EIF4G1: variants seen among roughly 807,000 people sequenced by gnomAD.
EIF4G1 encodes EIF4-gamma.
A neutral mutation model predicts 187.8 loss-of-function variants in EIF4G1; 4 were observed. That is an observed-to-expected ratio of 0.02 (90% confidence interval 0.01 to 0.05). The LOEUF is 0.05. EIF4G1 is among the 10% of genes least tolerant of loss of function. The pLI, the probability that EIF4G1 is intolerant of heterozygous loss-of-function variation, is 1.00. For synonymous variants in EIF4G1, 844 were observed against 781.4 expected (o/e 1.08, Z -1.34); for missense variants, 1,647 against 2,081.1 (o/e 0.79, Z 4.06).
chr3:184,328,854 G>T, intron 27 of EIF4G1, 55 bp from the exon 28 acceptor site: 1 of 1,613,868 alleles, frequency 6.2e-7, no homozygotes, highest in Non-Finnish European at 8.5e-7. Flanking sequence ...GGGAGATGGA[G>T]TAGTGGTGAG....
At chr3:184,326,402 TA>T in intron 21 of EIF4G1, 124 bp from the exon 22 acceptor site, 2 of 974,788 alleles carry the variant, frequency 2.1e-6, no homozygotes, top group Middle Eastern at 4.2e-4. Flanking sequence ...ACTGGCCCTT[TA>T]TTAAAAAAGA....
Position 184,334,711 on chromosome 3 carries a change from TC to T in EIF4G1, c.4619-13del. Reference sequence around the variant, plus strand: ...GGTGGCCAGTCACCTCTAACTGCTGTCCCGCCTGCTTGCAGACCTGCTGCGG... The same window carrying T: ...GGTGGCCAGTCACCTCTAACTGCTGTCCGCCTGCTTGCAGACCTGCTGCGG... On this transcript the variant is annotated splice_polypyrimidine_tract_variant and intron_variant, in intron 32 of 32. Transcript: ENST00000346169. This position sits in a 1 kb window ranked among gnomAD's most constrained non-coding sequence, Gnocchi z 5.8. 1 of 1,614,144 alleles carries T rather than the reference TC, an allele frequency of 6.2e-7. No homozygotes were observed. The highest frequency in any genetic ancestry group is 1.3e-5 in the African/African-American group (1 of 75,038).
Position 184,325,183 on chromosome 3 carries a change from G to T in EIF4G1, c.2856+69G>T. On this transcript the variant is annotated intron_variant, in intron 18 of 32. Transcript: ENST00000346169. The surrounding 1 kb of genome is among the most constrained non-coding windows in gnomAD (Gnocchi z 5.2). ...TGGGGCTCACTGAGCCCACAATGAT[G>T]GGGCGGAAGGCCTGAGGAGGGGTGG... 6.2e-7 allele frequency: 1 copy of T among 1,601,116 alleles called. No homozygotes were observed. Among genetic ancestry groups the T allele is most frequent in the Non-Finnish European group, 8.6e-7 (1 of 1,168,300 alleles).
Position 184,322,583 on chromosome 3 carries a change from G to A in EIF4G1, c.1648G>A (p.Ala550Thr). Residue 550 changes from alanine (A) to threonine (T), a missense_variant, in exon 12 of 33, where the codon GCA becomes ACA. Coordinates refer to ENST00000346169, the MANE Select transcript of EIF4G1 (RefSeq NM_198241.3). ...AVPEVENQPP[A>T]GSNPGPESEG... ...ACCAGAGGTGGAAAATCAGCCTCCTGCAGGCAGCAATCCAGGCCCAGAGTC... is the reference window on the plus strand; with the variant it reads ...ACCAGAGGTGGAAAATCAGCCTCCTACAGGCAGCAATCCAGGCCCAGAGTC... 6.2e-7 allele frequency: 1 copy of A among 1,614,192 alleles called. No individual in the cohort carries two copies. The highest frequency in any genetic ancestry group is 8.5e-7 in the Non-Finnish European group (1 of 1,180,038).
At chr3:184,332,980 T>G (rs1726429273) in intron 32 of EIF4G1, among the ~76,000 whole-genome samples, 1 of 152,158 alleles carries the variant, frequency 6.6e-6, no homozygotes, top group Admixed American at 6.5e-5. Flanking sequence ...GATTTTAGTT[T>G]TTAGATCATC....
Position 184,328,647 on chromosome 3 carries a change from G to A in EIF4G1, c.3970G>A (p.Glu1324Lys). The change falls in exon 27 of 33, where the codon GAA (glutamate) becomes AAA (lysine). Residue 1324 changes from glutamate (E) to lysine (K), a missense_variant. Glu to Lys is a moderately conservative substitution (Grantham distance 56). This residue lies in a region of EIF4G1 where 543 missense variants were observed against 638.0 expected (regional missense o/e 0.85). Coordinates refer to ENST00000346169, the MANE Select transcript of EIF4G1 (RefSeq NM_198241.3). ...CCTTGGCAGGTTGTATGAAATCTTG[G>A]AATTGGCTGAGGACATGGAAATTGA... Reference protein sequence around the residue: ...QYYQGLYEILELAEDMEIDIP... With the variant: ...QYYQGLYEILKLAEDMEIDIP... 1.9e-6 allele frequency: 3 copies of A among 1,614,162 alleles called. No homozygotes were observed. Among genetic ancestry groups the A allele is most frequent in the Non-Finnish European group, 2.5e-6 (3 of 1,180,034 alleles).
chr3:184,326,882 A>G lies in EIF4G1; in HGVS notation c.3327A>G (p.Ala1109=), dbSNP rs771325250. Residue 1109 remains alanine (A), a splice_region_variant and synonymous_variant, in exon 23 of 33, where the codon GCA becomes GCG. Transcript: ENST00000346169. The part of the protein sequence containing the change: ...GGSGAKPSDA[A]SEAARPATST... ...AATACGGATTTTCTGCATCCCCAGC[A>G]TCAGAAGCTGCTCGCCCAGCTACTA... 9 of 1,614,246 alleles carry G rather than the reference A, an allele frequency of 5.6e-6. No individual in the cohort carries two copies. Among genetic ancestry groups the G allele is most frequent in the Non-Finnish European group, 7.6e-6 (9 of 1,180,040 alleles).
In EIF4G1 at chr3:184,322,402, G is replaced by A; in HGVS notation, c.1560G>A (p.Glu520=). ...CAAAGAGGAGACGGAAAATTAAGGAGCTAAATAAGAAGGAGGCTGTTGGAG... is the reference window on the plus strand; with the variant it reads ...CAAAGAGGAGACGGAAAATTAAGGAACTAAATAAGAAGGAGGCTGTTGGAG... ...SVPKRRRKIK[E]LNKKEAVGDL... is the part of the protein sequence containing the mutation. Residue 520 remains glutamate (E), a synonymous_variant, in exon 11 of 33, where the codon GAG becomes GAA. Transcript: ENST00000346169. The A allele has an allele frequency of 2.5e-6, 4 of 1,614,146 alleles. No homozygotes were observed. The highest frequency in any genetic ancestry group is 2.5e-6 in the Non-Finnish European group (3 of 1,180,036).
intron 28 of EIF4G1, among the ~76,000 whole-genome samples, chr3:184,330,565 G>C (rs1010455236): frequency 1.4e-4 from 22 of 152,176 alleles, no homozygotes; most frequent in African/African-American, 5.1e-4. Flanking sequence ...CAGACTGCTG[G>C]TTTTATGAGG....
intron 31 of EIF4G1, 41 bp downstream of exon 31, chr3:184,331,850 G>C (rs1164861298): frequency 6.2e-7 from 1 of 1,613,976 alleles, no homozygotes; most frequent in Non-Finnish European, 8.5e-7. Context: ...GGGTGGGCCT[G>C]ACAGACAAGT....
At chr3:184,335,354 G>A (rs1726921870), downstream of EIF4G1, 1 of 217,080 alleles carries the variant, frequency 4.6e-6, no homozygotes, top group South Asian at 6.6e-5. Context: ...ATTCAATTAA[G>A]CTCACTGCCT....
intron 3 of EIF4G1, 32 bp from the exon 4 acceptor site, chr3:184,316,100 C>G: frequency 1.2e-6 from 2 of 1,613,814 alleles, no homozygotes; most frequent in Non-Finnish European, 1.7e-6. Context: ...CTGGGCTTCC[C>G]CTCTTGCTGA....
At position 184,334,597 on chromosome 3, in the gene EIF4G1, T is replaced by G. The variant is rs1363934486; in HGVS notation, c.4619-130T>G. The G allele has an allele frequency of 4.7e-6, 5 of 1,074,906 alleles. No individual in the cohort carries two copies. The African/African-American group carries it at 4.7e-5, about 10-fold the overall frequency. 66.6% of individuals were successfully genotyped at this position (1,074,906 alleles called of 1,614,324 possible). ...CATCCTGTCAGAGGCCTAGTCACTC[T>G]GGAATGGCCACAAATGTCAGGCTGG... On this transcript the variant is annotated intron_variant, in intron 32 of 32. Coordinates refer to ENST00000346169, the MANE Select transcript of EIF4G1 (RefSeq NM_198241.3). This position sits in a 1 kb window ranked among gnomAD's most constrained non-coding sequence, Gnocchi z 5.8.
chr3:184,324,198 C>T lies in EIF4G1; in HGVS notation c.2473-3C>T. 6.2e-7 allele frequency: 1 copy of T among 1,614,260 alleles called. No individual in the cohort carries two copies. The highest frequency in any genetic ancestry group is 8.5e-7 in the Non-Finnish European group (1 of 1,180,050). On this transcript the variant is annotated splice_polypyrimidine_tract_variant and splice_region_variant and intron_variant, in intron 16 of 32. Transcript: ENST00000346169. ...TGAGTGTGACATTCTCTCTGACCTA[C>T]AGCTGAAAGTGCCCACTACGGAAAA... is the stretch of plus-strand genomic sequence containing the variant.
Position 184,335,228 on chromosome 3 carries a change from A to C in EIF4G1, c.*320A>C. ...TCCTTTTTTTTATTTTCTGAAAATC[A>C]CTCTCGGGACTGCCGTCCTCGCTGC... On this transcript the variant is annotated 3_prime_UTR_variant, in exon 33 of 33. Transcript: ENST00000346169. 7 of 312,914 alleles carry C rather than the reference A, an allele frequency of 2.2e-5. No homozygotes were observed. Among genetic ancestry groups the C allele is most frequent in the South Asian group, 3.7e-5 (1 of 26,962 alleles). The allele number at this position is 312,914 out of a possible 1,614,324, so 19.4% of individuals were successfully genotyped here. A position where few individuals can be genotyped will look rare whatever the true frequency, so the allele number is the denominator to read the frequency against.
intron 26 of EIF4G1, 27 bp downstream of exon 26, chr3:184,328,029 A>G: frequency 1.3e-6 from 2 of 1,599,210 alleles, no homozygotes; most frequent in Admixed American, 1.7e-5. Context: ...TGGGCCTCCC[A>G]CTTATACAGA....
chr3:184,324,386 C>A (rs140533284), intron 17 of EIF4G1, 39 bp downstream of exon 17: 1 of 1,613,814 alleles, frequency 6.2e-7, no homozygotes, highest in Non-Finnish European at 8.5e-7. Flanking sequence ...TCACCACTTA[C>A]CTCCTTCCCT....
At position 184,320,288 on chromosome 3, in the gene EIF4G1, C is replaced by G. The variant is rs1388895261; in HGVS notation, c.538-342C>G. On this transcript the variant is annotated intron_variant, in intron 7 of 32. Coordinates refer to ENST00000346169, the MANE Select transcript of EIF4G1 (RefSeq NM_198241.3). ...GCCCTGCCCCCAGAGATCAGGCACA[C>G]TAGCCACAAGTGAGCCGATTGGGTT... 6 of 1,256,060 alleles carry G rather than the reference C, an allele frequency of 4.8e-6. No individual in the cohort carries two copies. The East Asian group carries it at 1.7e-4, about 36-fold the overall frequency. 77.8% of individuals were successfully genotyped at this position (1,256,060 alleles called of 1,614,324 possible).
In EIF4G1 at chr3:184,334,620, T is replaced by C; in HGVS notation, c.4619-107T>C. The C allele has an allele frequency of 7.5e-7, 1 of 1,329,880 alleles. No homozygotes were observed. Among genetic ancestry groups the C allele is most frequent in the Non-Finnish European group, 1.1e-6 (1 of 933,382 alleles). The allele number at this position is 1,329,880 out of a possible 1,614,324, so 82.4% of individuals were successfully genotyped here. A position where few individuals can be genotyped will look rare whatever the true frequency, so the allele number is the denominator to read the frequency against. ...TCTGGAATGGCCACAAATGTCAGGC[T>C]GGTGCATCAGGGCCTTGTTTGAACA... On this transcript the variant is annotated intron_variant, in intron 32 of 32. Transcript: ENST00000346169. This position sits in a 1 kb window ranked among gnomAD's most constrained non-coding sequence, Gnocchi z 5.8.
Sources: allele counts gnomAD v4.1 joint callset (sites outside exome capture counted in the v4.1 genomes callset), GRCh38; gene constraint gnomAD v4.1.1; regional missense constraint gnomAD v4.1.1; non-coding constraint Gnocchi (gnomAD v3.1); transcripts MANE v1.5; gene names NCBI Gene and HGNC (gene_info 2026-07-23, HGNC 2026-07-21).